TRIR: variants seen among roughly 807,000 people sequenced by gnomAD.
The protein encoded by TRIR is telomerase RNA component interacting RNase, also known as telomerase RNA component-interacting RNase.
Under a neutral mutation model 18.2 loss-of-function variants are expected in TRIR, and 5 were observed. That is an observed-to-expected ratio of 0.27 (90% CI 0.14 to 0.58). The LOEUF is 0.58. Ranked by LOEUF, TRIR falls within the 20% of genes least tolerant of loss-of-function variation. The pLI is 0.91. For synonymous variants in TRIR, 134 were observed against 114.4 expected (o/e 1.17, Z -1.10); for missense variants, 206 against 252.8 (o/e 0.81, Z 1.25).
Position 12,734,414 on chromosome 19 carries a change from C to CCTGCCG in TRIR, c.238_243dup (p.Arg80_Gln81dup), listed in dbSNP as rs1053195391. On this transcript the variant is annotated inframe_insertion, in exon 1 of 3. Coordinates refer to ENST00000242784, the MANE Select transcript of TRIR (RefSeq NM_024038.4). This position sits in a 1 kb window ranked among gnomAD's most constrained non-coding sequence, Gnocchi z 4.1. ...CGCTGCGGACCCGGGGGCGGCTCCT[C>CCTGCCG]CTGCCGCTGCCGCTGCTCCTCCTCC... The CCTGCCG allele has an allele frequency of 3.3e-6, 5 of 1,520,876 alleles. No individual in the cohort carries two copies. Among genetic ancestry groups the CCTGCCG allele is most frequent in the East Asian group, 2.7e-5 (1 of 37,250 alleles). 94.2% of individuals were successfully genotyped at this position (1,520,876 alleles called of 1,614,324 possible). A position where few individuals can be genotyped will look rare whatever the true frequency, so the allele number is the denominator to read the frequency against.
At position 12,734,475 on chromosome 19, in the gene TRIR, G is replaced by A. The variant is rs1404661573; in HGVS notation, c.183C>T (p.Asn61=). 4 of 1,534,922 alleles carry A rather than the reference G, an allele frequency of 2.6e-6. No individual in the cohort carries two copies. Among genetic ancestry groups the A allele is most frequent in the Admixed American group, 4.0e-5 (2 of 50,170 alleles). The change falls in exon 1 of 3, where the codon AAC becomes AAT. Residue 61 remains asparagine (N), a synonymous_variant. Transcript: ENST00000242784. This position sits in a 1 kb window ranked among gnomAD's most constrained non-coding sequence, Gnocchi z 4.1. ...TGAACAGCTCCAGGAAGCTGCCGTC[G>A]TTGGCGAACAAGTTCACGCCGCCCG... ...PVSGGVNLFA[N]DGSFLELFKR... is the part of the protein sequence containing the mutation.
intron 1 of TRIR, among the ~76,000 whole-genome samples, chr19:12,732,210 CAACA>C (rs1329522406): frequency 6.6e-6 from 1 of 151,018 alleles, no homozygotes; most frequent in Admixed American, 6.6e-5. Context: ...GTCATGCTAA[CAACA>C]AACAATGGAG....
chr19:12,734,648 G>C lies in TRIR; in HGVS notation c.10C>G (p.Arg4Gly). 2.0e-6 allele frequency: 3 copies of C among 1,506,528 alleles called. No homozygotes were observed. The highest frequency in any genetic ancestry group is 2.6e-6 in the Non-Finnish European group (3 of 1,135,806). The allele number at this position is 1,506,528 out of a possible 1,614,324, so 93.3% of individuals were successfully genotyped here. A position where few individuals can be genotyped will look rare whatever the true frequency, so the allele number is the denominator to read the frequency against. Residue 4 changes from arginine (R) to glycine (G), a missense_variant, in exon 1 of 3, where the codon CGA becomes GGA. Transcript: ENST00000242784. The surrounding 1 kb of genome is among the most constrained non-coding windows in gnomAD (Gnocchi z 4.1). MAA[R>G]GRRAEPQGRE... ...CCCTGAGGCTCCGCCCGTCTCCCTCGGGCAGCCATTTTGTCGCCAGGTGCC... is the reference window on the plus strand; with the variant it reads ...CCCTGAGGCTCCGCCCGTCTCCCTCCGGCAGCCATTTTGTCGCCAGGTGCC...
At position 12,734,663 on chromosome 19, in the gene TRIR, C is replaced by T. The variant is rs923796003; in HGVS notation, c.-6G>A. On this transcript the variant is annotated 5_prime_UTR_variant, in exon 1 of 3. Transcript: ENST00000242784. This position sits in a 1 kb window ranked among gnomAD's most constrained non-coding sequence, Gnocchi z 4.1. ...CGTCTCCCTCGGGCAGCCATTTTGT[C>T]GCCAGGTGCCGCGCAAAGGACTCCG... The T allele has an allele frequency of 2.7e-6, 4 of 1,500,156 alleles. No individual in the cohort carries two copies. The highest frequency in any genetic ancestry group is 4.4e-5 in the Admixed American group (2 of 45,812). 92.9% of individuals were successfully genotyped at this position (1,500,156 alleles called of 1,614,324 possible). A position where few individuals can be genotyped will look rare whatever the true frequency, so the allele number is the denominator to read the frequency against.
At position 12,731,390 on chromosome 19, in the gene TRIR, G is replaced by A; in HGVS notation, c.377C>T (p.Ala126Val). ...CTTGGCTACTATTCCCGTCTTGAGG[G>A]CTAGTTTGTTCCCGCCTCTGCGTTT... ...VGKRRGGNKLALKTGIVAKKQ... is the reference protein window; with the variant it reads ...VGKRRGGNKLVLKTGIVAKKQ... Residue 126 changes from alanine to valine, a missense_variant, in exon 2 of 3, where the codon GCC (alanine) becomes GTC (valine). By Grantham distance (64) the Ala-to-Val change is moderately conservative. Coordinates refer to ENST00000242784, the MANE Select transcript of TRIR (RefSeq NM_024038.4). The surrounding 1 kb of genome is among the most constrained non-coding windows in gnomAD (Gnocchi z 5.1). 6.2e-7 allele frequency: 1 copy of A among 1,613,772 alleles called. No individual in the cohort carries two copies. The highest frequency in any genetic ancestry group is 8.5e-7 in the Non-Finnish European group (1 of 1,179,848).
In TRIR at chr19:12,730,988, A is replaced by G. The variant is rs1481422122; in HGVS notation, c.504T>C (p.Asp168=). The G allele has an allele frequency of 1.2e-6, 2 of 1,614,080 alleles. No individual in the cohort carries two copies. The highest frequency in any genetic ancestry group is 2.2e-5 in the East Asian group (1 of 44,868). The change falls in exon 3 of 3, where the codon GAT becomes GAC. Residue 168 remains aspartate (D), a synonymous_variant. Transcript: ENST00000242784. ...KKYKAHQCGD[D]DKTRPLVK is the part of the protein sequence containing the mutation. ...ATTTCACCAGGGGCCGAGTTTTATC[A>G]TCGTCACCGCACTGGTGAGCTTTGT...
At position 12,730,924 on chromosome 19, in the gene TRIR, A is replaced by G. The variant is rs753946306; in HGVS notation, c.*37T>C. 6.4e-7 allele frequency: 1 copy of G among 1,561,598 alleles called. No individual in the cohort carries two copies. The highest frequency in any genetic ancestry group is 1.1e-5 in the South Asian group (1 of 90,010). ...TGCATTAAATAGTTATGTACATCGC[A>G]GAGAGTCCCAGGCCATGGGCAGGTG... On this transcript the variant is annotated 3_prime_UTR_variant, in exon 3 of 3. Coordinates refer to ENST00000242784, the MANE Select transcript of TRIR (RefSeq NM_024038.4).
rs1313520015 is a variant in TRIR, at chr19:12,734,370, G to A, written c.288C>T (p.Ala96=). The A allele has an allele frequency of 2.0e-6, 3 of 1,475,146 alleles. No homozygotes were observed. The highest frequency in any genetic ancestry group is 5.8e-5 in the East Asian group (2 of 34,764). 91.4% of individuals were successfully genotyped at this position (1,475,146 alleles called of 1,614,324 possible). A position where few individuals can be genotyped will look rare whatever the true frequency, so the allele number is the denominator to read the frequency against. The change falls in exon 1 of 3, where the codon GCC becomes GCT. Residue 96 remains alanine, a synonymous_variant. Coordinates refer to ENST00000242784, the MANE Select transcript of TRIR (RefSeq NM_024038.4). This position sits in a 1 kb window ranked among gnomAD's most constrained non-coding sequence, Gnocchi z 4.1. ...PGPQRPDQSA[A]AAGPGDPKRK... is the part of the protein sequence containing the mutation. ...TCTTCGGATCCCCGGGGCCAGCGGCGGCGGCCGACTGGTCGGGTCGCTGCG... is the reference window on the plus strand; with the variant it reads ...TCTTCGGATCCCCGGGGCCAGCGGCAGCGGCCGACTGGTCGGGTCGCTGCG...
Position 12,731,299 on chromosome 19 carries a change from A to T in TRIR, c.423+45T>A. The stretch of plus-strand genomic sequence containing the variant: ...GAGAAGGCTGGGCGCAAAAGCTGGA[A>T]GGGAAAGGCAATGTGGGTGGACCCC... On this transcript the variant is annotated intron_variant, in intron 2 of 2. Transcript: ENST00000242784. The surrounding 1 kb of genome is among the most constrained non-coding windows in gnomAD (Gnocchi z 5.1). 6.2e-7 allele frequency: 1 copy of T among 1,601,204 alleles called. No individual in the cohort carries two copies. The highest frequency in any genetic ancestry group is 1.1e-5 in the South Asian group (1 of 90,804).
chr19:12,731,186 T>C lies in TRIR; in HGVS notation c.424-118A>G. On this transcript the variant is annotated intron_variant, in intron 2 of 2. Transcript: ENST00000242784. This position sits in a 1 kb window ranked among gnomAD's most constrained non-coding sequence, Gnocchi z 5.1. The stretch of plus-strand genomic sequence containing the variant: ...AAGACTCTGGGTTTGAGCTGAAGAT[T>C]ATAAAGTCAAGTTATCTGGGGACCC... 1 of 1,275,390 alleles carries C rather than the reference T, an allele frequency of 7.8e-7. No individual in the cohort carries two copies. Among genetic ancestry groups the C allele is most frequent in the Non-Finnish European group, 1.1e-6 (1 of 878,286 alleles). The allele number at this position is 1,275,390 out of a possible 1,614,324, so 79.0% of individuals were successfully genotyped here. A position where few individuals can be genotyped will look rare whatever the true frequency, so the allele number is the denominator to read the frequency against.
Position 12,734,683 on chromosome 19 carries a change from A to C in TRIR, c.-26T>G, listed in dbSNP as rs1053647477. ...TTTGTCGCCAGGTGCCGCGCAAAGG[A>C]CTCCGGGAAGGCCGCTCCGGCCCCG... On this transcript the variant is annotated 5_prime_UTR_variant, in exon 1 of 3. Coordinates refer to ENST00000242784, the MANE Select transcript of TRIR (RefSeq NM_024038.4). The surrounding 1 kb of genome is among the most constrained non-coding windows in gnomAD (Gnocchi z 4.1). 2.0e-6 allele frequency: 3 copies of C among 1,470,374 alleles called. No individual in the cohort carries two copies. The highest frequency in any genetic ancestry group is 4.9e-5 in the Admixed American group (2 of 40,740). 91.1% of individuals were successfully genotyped at this position (1,470,374 alleles called of 1,614,324 possible).
Position 12,734,506 on chromosome 19 carries a change from G to T in TRIR, c.152C>A (p.Pro51Gln). 6.5e-7 allele frequency: 1 copy of T among 1,535,970 alleles called. No homozygotes were observed. Among genetic ancestry groups the T allele is most frequent in the East Asian group, 2.5e-5 (1 of 39,222 alleles). The change falls in exon 1 of 3, where the codon CCG becomes CAG. Residue 51 changes from proline (P) to glutamine (Q), a missense_variant. Pro to Gln is a moderately conservative substitution (Grantham distance 76). Around this residue, in one of 2 missense-constraint regions of TRIR, gnomAD observed 172 missense variants for 165.0 expected, o/e 1.04. Transcript: ENST00000242784. This position sits in a 1 kb window ranked among gnomAD's most constrained non-coding sequence, Gnocchi z 4.1. Reference protein sequence around the residue: ...DEEVSGAGSSPVSGGVNLFAN... With the variant: ...DEEVSGAGSSQVSGGVNLFAN... Reference sequence around the variant, plus strand: ...GAACAAGTTCACGCCGCCCGACACCGGGCTCGAACCCGCGCCCGACACCTC... The same window carrying T: ...GAACAAGTTCACGCCGCCCGACACCTGGCTCGAACCCGCGCCCGACACCTC...
Position 12,734,659 on chromosome 19 carries a change from T to C in TRIR, c.-2A>G. The C allele has an allele frequency of 1.3e-6, 2 of 1,504,448 alleles. No homozygotes were observed. Among genetic ancestry groups the C allele is most frequent in the South Asian group, 1.2e-5 (1 of 80,446 alleles). The allele number at this position is 1,504,448 out of a possible 1,614,324, so 93.2% of individuals were successfully genotyped here. A position where few individuals can be genotyped will look rare whatever the true frequency, so the allele number is the denominator to read the frequency against. ...CGCCCGTCTCCCTCGGGCAGCCATT[T>C]TGTCGCCAGGTGCCGCGCAAAGGAC... is the stretch of plus-strand genomic sequence containing the variant. On this transcript the variant is annotated 5_prime_UTR_variant, in exon 1 of 3. Coordinates refer to ENST00000242784, the MANE Select transcript of TRIR (RefSeq NM_024038.4). This position sits in a 1 kb window ranked among gnomAD's most constrained non-coding sequence, Gnocchi z 4.1.
chr19:12,732,124 C>CAAA (rs34115155), intron 1 of TRIR, among the ~76,000 whole-genome samples: 211 of 79,762 alleles, frequency 2.6e-3, no homozygotes, highest in African/African-American at 8.6e-3. Context: ...GACTCTGTCT[C>CAAA]AAAAAAAAAA....
At position 12,731,218 on chromosome 19, in the gene TRIR, A is replaced by G; in HGVS notation, c.423+126T>C. 7.6e-7 allele frequency: 1 copy of G among 1,314,180 alleles called. No individual in the cohort carries two copies. 81.4% of individuals were successfully genotyped at this position (1,314,180 alleles called of 1,614,324 possible). ...TCAAGTTATCTGGGGACCCATTGAC[A>G]GCCCTCCTACCCTGCCAGGCACACT... On this transcript the variant is annotated intron_variant, in intron 2 of 2. Coordinates refer to ENST00000242784, the MANE Select transcript of TRIR (RefSeq NM_024038.4). This position sits in a 1 kb window ranked among gnomAD's most constrained non-coding sequence, Gnocchi z 5.1.
At position 12,734,664 on chromosome 19, in the gene TRIR, GC is replaced by G; in HGVS notation, c.-8del. On this transcript the variant is annotated 5_prime_UTR_variant, in exon 1 of 3. Coordinates refer to ENST00000242784, the MANE Select transcript of TRIR (RefSeq NM_024038.4). The surrounding 1 kb of genome is among the most constrained non-coding windows in gnomAD (Gnocchi z 4.1). ...GTCTCCCTCGGGCAGCCATTTTGTCGCCAGGTGCCGCGCAAAGGACTCCGGG... is the reference window on the plus strand; with the variant it reads ...GTCTCCCTCGGGCAGCCATTTTGTCGCAGGTGCCGCGCAAAGGACTCCGGG... The G allele has an allele frequency of 6.7e-7, 1 of 1,500,492 alleles. No homozygotes were observed. Among genetic ancestry groups the G allele is most frequent in the South Asian group, 1.3e-5 (1 of 79,614 alleles). 92.9% of individuals were successfully genotyped at this position (1,500,492 alleles called of 1,614,324 possible). A position where few individuals can be genotyped will look rare whatever the true frequency, so the allele number is the denominator to read the frequency against.
Position 12,734,237 on chromosome 19 carries a change from G to T in TRIR, c.345+76C>A, listed in dbSNP as rs536383278. 2.0e-5 allele frequency: 26 copies of T among 1,309,900 alleles called. No homozygotes were observed. In the East Asian group the frequency reaches 6.5e-4, roughly 33 times the overall value. 81.1% of individuals were successfully genotyped at this position (1,309,900 alleles called of 1,614,324 possible). A position where few individuals can be genotyped will look rare whatever the true frequency, so the allele number is the denominator to read the frequency against. On this transcript the variant is annotated intron_variant, in intron 1 of 2. Transcript: ENST00000242784. This position sits in a 1 kb window ranked among gnomAD's most constrained non-coding sequence, Gnocchi z 4.1. ...AGAACGGAAAGTGGACTTCGGTCCCGATCCCCCTTCACGGGCCCCGACTCC... is the reference window on the plus strand; with the variant it reads ...AGAACGGAAAGTGGACTTCGGTCCCTATCCCCCTTCACGGGCCCCGACTCC...
chr19:12,732,140 AAAAG>A, intron 1 of TRIR, among the ~76,000 whole-genome samples: 1 of 150,058 alleles, frequency 6.7e-6, no homozygotes, highest in East Asian at 2.0e-4. Flanking sequence ...AAAAAAAAAA[AAAAG>A]AAAAGAAAAA....
chr19:12,734,612 G>A lies in TRIR; in HGVS notation c.46C>T (p.Pro16Ser). 6.6e-7 allele frequency: 1 copy of A among 1,517,606 alleles called. No individual in the cohort carries two copies. Among genetic ancestry groups the A allele is most frequent in the Non-Finnish European group, 8.8e-7 (1 of 1,139,212 alleles). The allele number at this position is 1,517,606 out of a possible 1,614,324, so 94.0% of individuals were successfully genotyped here. The change falls in exon 1 of 3, where the codon CCG becomes TCG. Residue 16 changes from proline to serine, a missense_variant. Physicochemically the swap from Pro to Ser is moderately conservative, Grantham distance 74 (BLOSUM62 -1). This residue lies in a region of TRIR where 172 missense variants were observed against 165.0 expected (regional missense o/e 1.04). Coordinates refer to ENST00000242784, the MANE Select transcript of TRIR (RefSeq NM_024038.4). The surrounding 1 kb of genome is among the most constrained non-coding windows in gnomAD (Gnocchi z 4.1). ...RRAEPQGREA[P>S]GPAGGGGGGS... is the part of the protein sequence containing the mutation. ...CCACCGCCACCGCCCGCGGGGCCCG[G>A]AGCCTCCCGGCCCTGAGGCTCCGCC...
Sources: allele counts gnomAD v4.1 joint callset (sites outside exome capture counted in the v4.1 genomes callset), GRCh38; gene constraint gnomAD v4.1.1; regional missense constraint gnomAD v4.1.1; non-coding constraint Gnocchi (gnomAD v3.1); transcripts MANE v1.5; gene names NCBI Gene and HGNC (gene_info 2026-07-23, HGNC 2026-07-21).